The following SKIL variants were observed in gnomAD, a reference collection of about 807,000 sequenced individuals.
The protein encoded by SKIL is ski-like protein.
SKIL carries 20 observed loss-of-function variants against 69.6 expected under a neutral mutation model. That is an observed-to-expected ratio of 0.29 (90% confidence interval 0.20 to 0.42). SKIL has a LOEUF of 0.42. Among genes scored for constraint, SKIL ranks in the 10% least tolerant of loss-of-function variants. The probability of loss-of-function intolerance (pLI) is 1.00; values close to 1 mark genes in which losing one functional copy is unlikely to be tolerated. For synonymous variants in SKIL, 310 were observed against 279.9 expected, an observed-to-expected ratio of 1.11 and a Z score of -1.08; for missense variants, 745 against 783.1, an observed-to-expected ratio of 0.95 and a Z score of 0.58.
At chr3:170,369,977 G>A (rs545542986) in intron 2 of SKIL, among the ~76,000 whole-genome samples, 6 of 152,196 alleles carry the variant, frequency 3.9e-5, no homozygotes, top group Admixed American at 2.6e-4. Flanking sequence ...GGTGGCTCAC[G>A]CCTGTAGTCC....
intron 1 of SKIL, chr3:170,358,540 T>TG (rs1736056957): frequency 6.5e-6 from 1 of 152,712 alleles, no homozygotes; most frequent in East Asian, 1.9e-4. Context: ...TCATGCCTCT[T>TG]GCTCTCTTCC....
rs1026006045 is a variant in SKIL at position 170,393,886 on chromosome 3, A to T, written c.*1469A>T. On this transcript the variant is annotated 3_prime_UTR_variant, in exon 7 of 7. Coordinates refer to ENST00000259119, the MANE Select transcript of SKIL (RefSeq NM_005414.5). The stretch of plus-strand genomic sequence containing the variant: ...GTAGATAATCTAATGGTGTAGAAAG[A>T]ATCACTAGGTTGTCATTTAACCAGT... The T allele has an allele frequency of 5.9e-5, 9 of 152,134 alleles. No homozygotes were observed. Among genetic ancestry groups the T allele is most frequent in the African/African-American group, 1.9e-4 (8 of 41,448 alleles). The allele number at this position is 152,134 out of a possible 1,614,324, so 9.4% of individuals were successfully genotyped here.
chr3:170,382,704 G>GAGC (rs1450784247), intron 3 of SKIL, among the ~76,000 whole-genome samples: 3 of 144,738 alleles, frequency 2.1e-5, no homozygotes, highest in African/African-American at 7.6e-5. Context: ...CCACCGCCCC[G>GAGC]AGCCGCAACT....
intron 4 of SKIL, among the ~76,000 whole-genome samples, chr3:170,386,434 G>A (rs1470309388): frequency 6.6e-6 from 1 of 152,020 alleles, no homozygotes; most frequent in Non-Finnish European, 1.5e-5. Context: ...CCGGCCAGGG[G>A]TTTTCTATAC....
intron 4 of SKIL, among the ~76,000 whole-genome samples, chr3:170,387,087 G>A (rs745975280): frequency 4.0e-5 from 6 of 151,436 alleles, no homozygotes; most frequent in Non-Finnish European, 7.4e-5. Flanking sequence ...GGGTGATTTC[G>A]GCTCACTGCA....
chr3:170,361,489 A>G lies in SKIL; in HGVS notation c.1098+60A>G, dbSNP rs181159136. 112 of 1,265,700 alleles carry G rather than the reference A, an allele frequency of 8.8e-5. No individual in the cohort carries two copies. In the East Asian group the frequency reaches 2.2e-3, roughly 25 times the overall value. 78.4% of individuals were successfully genotyped at this position (1,265,700 alleles called of 1,614,324 possible). On this transcript the variant is annotated intron_variant, in intron 2 of 6. Transcript: ENST00000259119. ...TGGTTTACTTTGAAATGAAAATTCT[A>G]TGTTTAGTGTGTAACTTAACCTGTA...
chr3:170,388,592 T>C (rs999493589), intron 4 of SKIL, among the ~76,000 whole-genome samples: 4 of 151,592 alleles, frequency 2.6e-5, no homozygotes, highest in Admixed American at 6.6e-5. Flanking sequence ...ACCACCATGC[T>C]CGGCTAATTT....
intron 2 of SKIL, among the ~76,000 whole-genome samples, chr3:170,372,347 A>G (rs1736835917): frequency 6.6e-6 from 1 of 152,214 alleles, no homozygotes; most frequent in African/African-American, 2.4e-5. Flanking sequence ...GGTAGGTGGT[A>G]TGATCTTTCA....
intron 2 of SKIL, among the ~76,000 whole-genome samples, chr3:170,371,563 A>G (rs925901303): frequency 3.3e-5 from 5 of 152,172 alleles, no homozygotes; most frequent in African/African-American, 1.2e-4. Flanking sequence ...TTTTGGACCA[A>G]TTTTAAGACA....
intron 4 of SKIL, among the ~76,000 whole-genome samples, chr3:170,385,827 G>A (rs1278684001): frequency 9.4e-5 from 14 of 148,468 alleles, no homozygotes; most frequent in African/African-American, 3.2e-4. Flanking sequence ...TTTTTGAGGA[G>A]TTTCACTCTT....
intron 3 of SKIL, among the ~76,000 whole-genome samples, chr3:170,383,216 C>T (rs1737450673): frequency 6.6e-6 from 1 of 152,074 alleles, no homozygotes. Context: ...GGGACTGAGT[C>T]TTATTTACAT....
At chr3:170,390,547 C>T (rs1423351416) in intron 5 of SKIL, 83 bp downstream of exon 5, 23 of 1,104,978 alleles carry the variant, frequency 2.1e-5, no homozygotes, top group Non-Finnish European at 2.8e-5. Flanking sequence ...AGTGCAGTGG[C>T]GCAGTCTCAG....
intron 3 of SKIL, among the ~76,000 whole-genome samples, chr3:170,382,433 G>A (rs1241609707): frequency 1.7e-5 from 1 of 57,880 alleles, no homozygotes; most frequent in African/African-American, 7.3e-5. Flanking sequence ...TTTTTTTTTT[G>A]AGACAAAGTC....
rs1465949736 is a variant in SKIL, at chr3:170,391,029, A to G, written c.1672-7A>G. ...TAAAACTTGTATTGTGATTCTTTACATTACAGGAAGTAAAAATGTTGAGTA... is the reference window on the plus strand; with the variant it reads ...TAAAACTTGTATTGTGATTCTTTACGTTACAGGAAGTAAAAATGTTGAGTA... On this transcript the variant is annotated splice_polypyrimidine_tract_variant and splice_region_variant and intron_variant, in intron 5 of 6. Coordinates refer to ENST00000259119, the MANE Select transcript of SKIL (RefSeq NM_005414.5). 1.0e-5 allele frequency: 15 copies of G among 1,430,368 alleles called. No individual in the cohort carries two copies. Among genetic ancestry groups the G allele is most frequent in the Non-Finnish European group, 1.5e-5 (15 of 1,026,134 alleles). 88.6% of individuals were successfully genotyped at this position (1,430,368 alleles called of 1,614,324 possible).
intron 2 of SKIL, among the ~76,000 whole-genome samples, chr3:170,374,394 T>C (rs932766008): frequency 6.6e-6 from 1 of 152,160 alleles, no homozygotes; most frequent in Non-Finnish European, 1.5e-5. Context: ...TTTTGAAATG[T>C]TAAGGCTCTA....
intron 2 of SKIL, among the ~76,000 whole-genome samples, chr3:170,368,381 G>C (rs1052612248): frequency 5.3e-5 from 8 of 152,130 alleles, no homozygotes; most frequent in African/African-American, 1.9e-4. Flanking sequence ...AGCCTGGCAT[G>C]TCAAAGGCAC....
At chr3:170,388,257 T>A (rs1308995859) in intron 4 of SKIL, among the ~76,000 whole-genome samples, 1 of 152,200 alleles carries the variant, frequency 6.6e-6, no homozygotes, top group Non-Finnish European at 1.5e-5. Context: ...TCTCAGTGAA[T>A]GATGATATTG....
chr3:170,386,810 A>G (rs2108221356), intron 4 of SKIL, among the ~76,000 whole-genome samples: 1 of 152,266 alleles, frequency 6.6e-6, no homozygotes, highest in South Asian at 2.1e-4. Flanking sequence ...TCAGATTTAA[A>G]TATGGTAAAC....
At position 170,360,565 on chromosome 3, in the gene SKIL, A is replaced by G. The variant is rs770185574; in HGVS notation, c.234A>G (p.Glu78=). 1 of 1,614,206 alleles carries G rather than the reference A, an allele frequency of 6.2e-7. No individual in the cohort carries two copies. Among genetic ancestry groups the G allele is most frequent in the Non-Finnish European group, 8.5e-7 (1 of 1,180,044 alleles). ...HVKRTCTSVP[E]TLHLNPSLKH... ...AGCGAACCTGTACTTCTGTTCCTGA[A>G]ACTTTGCATTTAAATCCCAGTTTGA... is the stretch of plus-strand genomic sequence containing the variant. Residue 78 remains glutamate, a synonymous_variant, in exon 2 of 7, where the codon GAA becomes GAG. Coordinates refer to ENST00000259119, the MANE Select transcript of SKIL (RefSeq NM_005414.5).
Sources: gnomAD v4.1 joint callset for allele counts (sites outside exome capture counted in the v4.1 genomes callset) on GRCh38, gnomAD v4.1.1 for gene constraint, MANE v1.5 for transcripts, NCBI Gene and HGNC (gene_info 2026-07-23, HGNC 2026-07-21) for gene names.